The following COL25A1 variants were observed in gnomAD, a reference collection of about 807,000 sequenced individuals.
COL25A1 encodes the protein collagen type XXV alpha 1 chain.
A neutral mutation model predicts 128.4 loss-of-function variants in COL25A1; 103 were observed. The ratio of observed to expected loss-of-function variants is 0.80; its 90% CI spans 0.68 to 0.94. The LOEUF is 0.94. Ranked by LOEUF, COL25A1 falls within the 40% of genes least tolerant of loss-of-function variation. The pLI is 0.00. For missense variants in COL25A1, 745 were observed against 840.0 expected, an observed-to-expected ratio of 0.89 and a Z score of 1.40; for synonymous variants, 279 against 277.2, an observed-to-expected ratio of 1.01 and a Z score of -0.06.
At chr4:109,017,060 G>C (rs537011228) in intron 5 of COL25A1, among the ~76,000 whole-genome samples, 1 of 152,162 alleles carries the variant, frequency 6.6e-6, no homozygotes, top group African/African-American at 2.4e-5. Flanking sequence ...CTCCCTCTTC[G>C]GGGCTCTGTG....
chr4:108,981,492 G>C (rs1286249556), intron 6 of COL25A1, among the ~76,000 whole-genome samples: 2 of 152,150 alleles, frequency 1.3e-5, no homozygotes, highest in African/African-American at 4.8e-5. Context: ...TAGATAAATT[G>C]TGTGTGTGGA....
chr4:109,219,066 T>A (rs372680483), intron 3 of COL25A1, among the ~76,000 whole-genome samples: 4 of 152,274 alleles, frequency 2.6e-5, no homozygotes, highest in African/African-American at 9.6e-5. Flanking sequence ...TTTAAATTTA[T>A]ATTAATGAGT....
intron 23 of COL25A1, among the ~76,000 whole-genome samples, chr4:108,860,214 C>A (rs1337589082): frequency 3.9e-5 from 6 of 152,058 alleles, no homozygotes; most frequent in African/African-American, 1.4e-4. Flanking sequence ...TGTGTTCAAG[C>A]AATTCTCCTG....
intron 18 of COL25A1, among the ~76,000 whole-genome samples, chr4:108,886,486 G>GTTTTTTTTTTT (rs1199944880): frequency 2.3e-4 from 18 of 79,908 alleles, no homozygotes; most frequent in African/African-American, 7.8e-4. Flanking sequence ...GTGTGTGTGT[G>GTTTTTTTTTTT]TGTGTGTTTA....
At chr4:109,183,121 C>T (rs551197006) in intron 3 of COL25A1, among the ~76,000 whole-genome samples, 3 of 152,128 alleles carry the variant, frequency 2.0e-5, no homozygotes, top group African/African-American at 7.2e-5. Flanking sequence ...TGACATTAAC[C>T]TCAGTAATAT....
chr4:109,018,866 T>G (rs1004276357), intron 5 of COL25A1, among the ~76,000 whole-genome samples: 1 of 152,198 alleles, frequency 6.6e-6, no homozygotes, highest in Non-Finnish European at 1.5e-5. Context: ...TTCCAGAAAG[T>G]ATTCTCTTGG....
At chr4:108,935,771 G>T (rs1004932805) in intron 11 of COL25A1, among the ~76,000 whole-genome samples, 1 of 152,176 alleles carries the variant, frequency 6.6e-6, no homozygotes, top group Non-Finnish European at 1.5e-5. Flanking sequence ...GTAAGCAAAT[G>T]AGATTATATT....
intron 8 of COL25A1, among the ~76,000 whole-genome samples, chr4:108,945,245 A>C (rs1748585770): frequency 6.6e-6 from 1 of 152,168 alleles, no homozygotes; most frequent in Admixed American, 6.6e-5. Context: ...AAAAATTTTC[A>C]CCATTTGATG....
At chr4:109,180,444 GCTACCTAAC>G (rs1774520262) in intron 3 of COL25A1, among the ~76,000 whole-genome samples, 1 of 152,094 alleles carries the variant, frequency 6.6e-6, no homozygotes, top group Non-Finnish European at 1.5e-5. Flanking sequence ...AGTTGGACAA[GCTACCTAAC>G]CTCTCTTTGC....
chr4:108,810,317 A>G lies in COL25A1; in HGVS notation c.*3610T>C, dbSNP rs1490005930. 1 of 151,988 alleles carries G rather than the reference A, an allele frequency of 6.6e-6. No homozygotes were observed. The highest frequency in any genetic ancestry group is 2.1e-4 in the South Asian group (1 of 4,832). The allele number at this position is 151,988 out of a possible 1,614,324, so 9.4% of individuals were successfully genotyped here. A position where few individuals can be genotyped will look rare whatever the true frequency, so the allele number is the denominator to read the frequency against. On this transcript the variant is annotated 3_prime_UTR_variant, in exon 38 of 38. Coordinates refer to ENST00000399132, the MANE Select transcript of COL25A1 (RefSeq NM_198721.4). ...ATTTTCTAAACTAGCACATATGTCTATATAGATAGATAGTTAGACAAAGGA... is the reference window on the plus strand; with the variant it reads ...ATTTTCTAAACTAGCACATATGTCTGTATAGATAGATAGTTAGACAAAGGA...
At chr4:109,031,691 T>C (rs1267702502) in intron 5 of COL25A1, among the ~76,000 whole-genome samples, 2 of 152,172 alleles carry the variant, frequency 1.3e-5, no homozygotes, top group Non-Finnish European at 2.9e-5. Flanking sequence ...AAGGCATAGT[T>C]AGACCTGGCA....
chr4:109,072,467 CT>C (rs1763048094), intron 3 of COL25A1, among the ~76,000 whole-genome samples: 2 of 152,138 alleles, frequency 1.3e-5, no homozygotes, highest in African/African-American at 4.8e-5. Flanking sequence ...CTTGTGGTTA[CT>C]ATTATCATTG....
At chr4:109,268,212 C>T (rs571684768) in intron 3 of COL25A1, among the ~76,000 whole-genome samples, 6 of 152,266 alleles carry the variant, frequency 3.9e-5, no homozygotes, top group South Asian at 4.1e-4. Flanking sequence ...GAAATTTGGG[C>T]GACTGAAGAA....
At chr4:108,815,527 G>A (rs184809270) in intron 37 of COL25A1, among the ~76,000 whole-genome samples, 1 of 152,070 alleles carries the variant, frequency 6.6e-6, no homozygotes, top group Non-Finnish European at 1.5e-5. Context: ...TGTGTGTTGG[G>A]TGGGTGTGGT....
At chr4:108,819,525 G>C (rs987216972) in intron 35 of COL25A1, among the ~76,000 whole-genome samples, 196 bp from the exon 36 acceptor site, 1 of 152,146 alleles carries the variant, frequency 6.6e-6, no homozygotes, top group Non-Finnish European at 1.5e-5. Flanking sequence ...GAAAACAGTG[G>C]CCTCCTCTTT....
chr4:109,224,889 G>A (rs772023526), intron 3 of COL25A1, among the ~76,000 whole-genome samples: 22 of 152,160 alleles, frequency 1.4e-4, no homozygotes, highest in African/African-American at 5.1e-4. Context: ...GCTGTGAGCC[G>A]AGATTGCGCC....
chr4:108,945,663 T>G (rs1424626950), intron 8 of COL25A1, among the ~76,000 whole-genome samples: 1 of 152,110 alleles, frequency 6.6e-6, no homozygotes, highest in Non-Finnish European at 1.5e-5. Flanking sequence ...AAATAATTTT[T>G]GTTATTGTTG....
chr4:109,294,178 GAA>G (rs1202044389), intron 3 of COL25A1, among the ~76,000 whole-genome samples: 2 of 152,122 alleles, frequency 1.3e-5, no homozygotes, highest in Admixed American at 6.5e-5. Flanking sequence ...GAAGGAGGCA[GAA>G]GAGAGGAAGT....
intron 13 of COL25A1, among the ~76,000 whole-genome samples, chr4:108,906,035 G>C (rs1297681975): frequency 6.6e-6 from 1 of 152,094 alleles, no homozygotes; most frequent in Non-Finnish European, 1.5e-5. Flanking sequence ...AACTAACGGA[G>C]TTCTTTGCCA....
Sources: gnomAD v4.1 joint callset for allele counts (sites outside exome capture counted in the v4.1 genomes callset) on GRCh38, gnomAD v4.1.1 for gene constraint, MANE v1.5 for transcripts, NCBI Gene and HGNC (gene_info 2026-07-23, HGNC 2026-07-21) for gene names.